TET3: variants seen among roughly 807,000 people sequenced by gnomAD.
The protein encoded by TET3 is tet methylcytosine dioxygenase 3.
Under a neutral mutation model 141.4 loss-of-function variants are expected in TET3, and 19 were observed. That is an observed-to-expected ratio of 0.13 (90% CI 0.09 to 0.20). The LOEUF is 0.20. TET3 is among the 10% of genes least tolerant of loss of function. The probability of loss-of-function intolerance (pLI) is 1.00; values close to 1 mark genes in which losing one functional copy is unlikely to be tolerated. For synonymous variants in TET3, 1,043 were observed against 980.9 expected (o/e 1.06, Z -1.18); for missense variants, 1,874 against 2,356.9 (o/e 0.80, Z 4.24).
chr2:74,029,069 A>C (rs938768874), intron 3 of TET3, among the ~76,000 whole-genome samples: 2 of 152,224 alleles, frequency 1.3e-5, no homozygotes, highest in African/African-American at 4.8e-5. Flanking sequence ...CTGGAACAGC[A>C]AATACTAGTG....
rs148348772 is a variant in TET3 at position 74,053,748 on chromosome 2, C to T, written c.2494+5337C>T. ...CAGGGAATTTCAAATGGGACATAGT[C>T]CTGAATGGAGGACACAAAGTTATTT... On this transcript the variant is annotated intron_variant, in intron 4 of 11. Transcript: ENST00000409262. 5.1e-4 allele frequency among the ~76,000 whole-genome samples: 77 copies of T among 152,184 alleles called. 1 individual carries two copies. The highest frequency in any genetic ancestry group is 1.5e-3 in the African/African-American group (64 of 41,508).
chr2:74,121,508 C>G, the TET3 span: 1 of 152,222 alleles, frequency 6.6e-6, no homozygotes, highest in African/African-American at 2.4e-5. Flanking sequence ...GAGGACTACA[C>G]TCTGCCAATA....
intron 6 of TET3, among the ~76,000 whole-genome samples, chr2:74,081,095 G>A (rs756320677): frequency 6.6e-6 from 1 of 152,202 alleles, no homozygotes; most frequent in Non-Finnish European, 1.5e-5. Flanking sequence ...GAAGAGGCCA[G>A]GGCTCTGGGC....
intron 2 of TET3, chr2:73,998,192 T>A (rs1399752563): frequency 6.6e-6 from 1 of 152,306 alleles, no homozygotes; most frequent in Non-Finnish European, 1.5e-5. Context: ...GTCCCCGGGT[T>A]TCTAGCTCAG....
chr2:74,081,859 C>T (rs1281607736), intron 6 of TET3, among the ~76,000 whole-genome samples: 1 of 152,160 alleles, frequency 6.6e-6, no homozygotes, highest in Non-Finnish European at 1.5e-5. Context: ...GTCAGCATTG[C>T]AGAATTATAT....
chr2:74,047,000 GGCCCTCACACAGCTCTCCTCT>G lies in TET3; in HGVS notation c.1090_1110del (p.Thr364_Leu370del). 1 of 1,613,946 alleles carries G rather than the reference GGCCCTCACACAGCTCTCCTCT, an allele frequency of 6.2e-7. No homozygotes were observed. ...GCTTGCAGACCGCCATTGCCATTGA[GGCCCTCACACAGCTCTCCTCT>G]GCCCTCCCGCAGCCTTCTCATTCCA... On this transcript the variant is annotated inframe_deletion, in exon 4 of 12. Transcript: ENST00000409262. This position sits in a 1 kb window ranked among gnomAD's most constrained non-coding sequence, Gnocchi z 4.3.
At chr2:73,991,198 T>C (rs1398791789) in intron 2 of TET3, among the ~76,000 whole-genome samples, 1 of 151,984 alleles carries the variant, frequency 6.6e-6, no homozygotes, top group Non-Finnish European at 1.5e-5. Flanking sequence ...GGATAGTCTT[T>C]AGAATATCGT....
chr2:74,099,148 A>G, intron 10 of TET3, 128 bp from the exon 11 acceptor site: 1 of 814,230 alleles, frequency 1.2e-6, no homozygotes, highest in Non-Finnish European at 1.9e-6. Flanking sequence ...AACTCTTGGA[A>G]GTAGTAGTGG....
At chr2:74,116,893 A>C in the TET3 span, among the ~76,000 whole-genome samples, 1 of 152,106 alleles carries the variant, frequency 6.6e-6, no homozygotes, top group Non-Finnish European at 1.5e-5. Context: ...GCTGTGCATG[A>C]GACACTCCAG....
the TET3 span, among the ~76,000 whole-genome samples, chr2:74,114,398 C>G: frequency 6.6e-6 from 1 of 152,108 alleles, no homozygotes; most frequent in African/African-American, 2.4e-5. Flanking sequence ...TCTCAGAAAT[C>G]ACCACTAAAG....
chr2:74,070,612 C>G (rs1185433182), intron 4 of TET3, among the ~76,000 whole-genome samples: 1 of 152,182 alleles, frequency 6.6e-6, no homozygotes, highest in Non-Finnish European at 1.5e-5. Context: ...AATATCACTA[C>G]TGCATTTCAA....
At chr2:74,076,691 C>T (rs758339347) in intron 5 of TET3, among the ~76,000 whole-genome samples, 14 of 150,814 alleles carry the variant, frequency 9.3e-5, no homozygotes, top group Non-Finnish European at 1.0e-4. Context: ...CTTTCTGGAA[C>T]GAGGGGAGTA....
rs1690649942 is a variant in TET3 at position 74,093,822 on chromosome 2, C to T, written c.3267+156C>T. On this transcript the variant is annotated intron_variant, in intron 10 of 11. Coordinates refer to ENST00000409262, the MANE Select transcript of TET3 (RefSeq NM_001287491.2). The surrounding 1 kb of genome is among the most constrained non-coding windows in gnomAD (Gnocchi z 4.2). ...TCCCTGCAAGACGGCCTGCCTTCGC[C>T]CACCTCCCAGAGAAAACCTCACCAG... is the stretch of plus-strand genomic sequence containing the variant. Among the ~76,000 whole-genome samples, 1 of 152,140 alleles carries T rather than the reference C, an allele frequency of 6.6e-6. No individual in the cohort carries two copies. Among genetic ancestry groups the T allele is most frequent in the South Asian group, 2.1e-4 (1 of 4,830 alleles).
the TET3 span, among the ~76,000 whole-genome samples, chr2:74,130,094 C>CTCA: frequency 7.9e-6 from 1 of 126,690 alleles, no homozygotes; most frequent in Non-Finnish European, 1.7e-5. Flanking sequence ...GAGTCTGTCT[C>CTCA]AAAAAAAAAA....
rs774747975 is a variant in TET3, at chr2:74,100,851, C to A, written c.4063C>A (p.His1355Asn). The A allele has an allele frequency of 1.2e-6, 2 of 1,611,726 alleles. No individual in the cohort carries two copies. Among genetic ancestry groups the A allele is most frequent in the Admixed American group, 1.7e-5 (1 of 59,734 alleles). ...CACAGACGCCCACCACCCCACTCCTCACCACCAGCAGCCTGCGTACCCAGG... is the reference window on the plus strand; with the variant it reads ...CACAGACGCCCACCACCCCACTCCTAACCACCAGCAGCCTGCGTACCCAGG... ...VPTDAHHPTP[H>N]HQQPAYPGPK... Residue 1355 changes from histidine to asparagine, a missense_variant, in exon 12 of 12, where the codon CAC (histidine) becomes AAC (asparagine). Physicochemically the swap from His to Asn is moderately conservative, Grantham distance 68. Transcript: ENST00000409262.
At chr2:74,123,974 G>A in the TET3 span, among the ~76,000 whole-genome samples, 9 of 150,752 alleles carry the variant, frequency 6.0e-5, no homozygotes, top group South Asian at 6.3e-4. Flanking sequence ...GGTGAGGAGC[G>A]TCTCTGCCCG....
At chr2:74,028,329 G>C (rs1686491339) in intron 3 of TET3, among the ~76,000 whole-genome samples, 1 of 151,640 alleles carries the variant, frequency 6.6e-6, no homozygotes, top group Non-Finnish European at 1.5e-5. Context: ...AAACTCAAAA[G>C]TTTTTAATTT....
chr2:74,039,323 T>G (rs1243385980), intron 3 of TET3, among the ~76,000 whole-genome samples: 1 of 152,202 alleles, frequency 6.6e-6, no homozygotes, highest in Non-Finnish European at 1.5e-5. Context: ...CCAGCCTCTC[T>G]GAGATTTCTT....
the TET3 span, chr2:74,134,854 ATGT>A: frequency 4.6e-6 from 2 of 436,042 alleles, no homozygotes; most frequent in African/African-American, 4.0e-5. Flanking sequence ...AGAACACCAG[ATGT>A]TGTAGCCATG....
Sources: gnomAD v4.1 joint callset for allele counts (sites outside exome capture counted in the v4.1 genomes callset) on GRCh38, gnomAD v4.1.1 for gene constraint, Gnocchi (gnomAD v3.1) non-coding constraint, MANE v1.5 for transcripts, NCBI Gene and HGNC (gene_info 2026-07-23, HGNC 2026-07-21) for gene names.